The following AGO2 variants were observed in gnomAD, a reference collection of about 807,000 sequenced individuals.
AGO2 encodes protein argonaute-2.
A neutral mutation model predicts 102.3 loss-of-function variants in AGO2; 5 were observed. The observed-to-expected ratio is 0.05, with a 90% CI of 0.03 to 0.10. The LOEUF (loss-of-function observed/expected upper bound fraction) is 0.10. AGO2 is among the 10% of genes least tolerant of loss of function. AGO2 has a pLI of 1.00. For missense variants in AGO2, 541 were observed against 1,183.7 expected (o/e 0.46, Z 7.97); for synonymous variants, 449 against 473.1 (o/e 0.95, Z 0.66).
At chr8:140,634,489 G>A (rs566224713) in intron 1 of AGO2, among the ~76,000 whole-genome samples, 1 of 152,372 alleles carries the variant, frequency 6.6e-6, no homozygotes, top group East Asian at 1.9e-4. Context: ...CGGCCAGGCC[G>A]GCCGAGAGAG....
At chr8:140,630,158 G>A (rs2074324620) in intron 1 of AGO2, among the ~76,000 whole-genome samples, 1 of 152,184 alleles carries the variant, frequency 6.6e-6, no homozygotes, top group South Asian at 2.1e-4. Context: ...GTGCCATCAG[G>A]GGTGAACCAA....
intron 1 of AGO2, among the ~76,000 whole-genome samples, chr8:140,608,242 C>A (rs1016327872): frequency 1.3e-5 from 2 of 152,178 alleles, no homozygotes; most frequent in African/African-American, 4.8e-5. Flanking sequence ...TTTTACGCTG[C>A]CATTCTGCCT....
chr8:140,552,692 GCATGCACTCA>G (rs2073018337), intron 10 of AGO2, among the ~76,000 whole-genome samples: 1 of 150,236 alleles, frequency 6.7e-6, no homozygotes, highest in Admixed American at 6.6e-5. Context: ...ACACACACAC[GCATGCACTCA>G]CATGCACATG....
chr8:140,544,338 G>C, intron 13 of AGO2, 35 bp from the exon 14 acceptor site: 1 of 1,560,074 alleles, frequency 6.4e-7, no homozygotes. Flanking sequence ...GCCACGGTGA[G>C]ACACGCCTGG....
intron 2 of AGO2, among the ~76,000 whole-genome samples, chr8:140,583,706 T>G (rs923283650): frequency 6.6e-6 from 1 of 152,126 alleles, no homozygotes; most frequent in Non-Finnish European, 1.5e-5. Context: ...AAATCCTGTC[T>G]CTACTAAAAA....
chr8:140,549,798 A>G (rs968794642), intron 11 of AGO2, among the ~76,000 whole-genome samples: 8 of 152,192 alleles, frequency 5.3e-5, no homozygotes, highest in Non-Finnish European at 4.4e-5. Context: ...TGACATCATC[A>G]CGAGAGAAAA....
rs966521381 is a variant in AGO2 at position 140,520,993 on chromosome 8, C to G, written c.*11051G>C. 24 of 151,998 alleles carry G rather than the reference C, an allele frequency of 1.6e-4. No individual in the cohort carries two copies. The highest frequency in any genetic ancestry group is 5.6e-4 in the African/African-American group (23 of 41,370). 9.4% of individuals were successfully genotyped at this position (151,998 alleles called of 1,614,324 possible). A position where few individuals can be genotyped will look rare whatever the true frequency, so the allele number is the denominator to read the frequency against. On this transcript the variant is annotated 3_prime_UTR_variant, in exon 19 of 19. Transcript: ENST00000220592. Reference sequence around the variant, plus strand: ...AGAGTAATTTTTAAATTTCTTTCAACAGTCTATTGGGGTCCAAAAAGCATA... The same window carrying G: ...AGAGTAATTTTTAAATTTCTTTCAAGAGTCTATTGGGGTCCAAAAAGCATA...
At chr8:140,624,059 A>G (rs2074246451) in intron 1 of AGO2, among the ~76,000 whole-genome samples, 1 of 152,128 alleles carries the variant, frequency 6.6e-6, no homozygotes, top group African/African-American at 2.4e-5. Context: ...AGGAAGGTGC[A>G]GGGCGAGCGC....
chr8:140,626,004 C>T (rs1563657924), intron 1 of AGO2, among the ~76,000 whole-genome samples: 2 of 152,240 alleles, frequency 1.3e-5, no homozygotes, highest in African/African-American at 4.8e-5. Context: ...CCAAGGTGCG[C>T]CCAGCAAGGC....
intron 1 of AGO2, among the ~76,000 whole-genome samples, chr8:140,620,162 G>A (rs1434146218): frequency 6.6e-6 from 1 of 152,216 alleles, no homozygotes; most frequent in Non-Finnish European, 1.5e-5. Context: ...GGGGCCTTCA[G>A]GCAACAGCAC....
intron 2 of AGO2, among the ~76,000 whole-genome samples, chr8:140,584,152 AAC>A: frequency 6.6e-6 from 1 of 151,884 alleles, no homozygotes; most frequent in Non-Finnish European, 1.5e-5. Flanking sequence ...AAAAAAAAAA[AAC>A]AAAACAGGCA....
chr8:140,572,094 A>G (rs1210311418), intron 3 of AGO2: 2 of 152,126 alleles, frequency 1.3e-5, no homozygotes, highest in Non-Finnish European at 2.9e-5. Flanking sequence ...CACCCGTATC[A>G]CTCTGCAGCA....
intron 13 of AGO2, among the ~76,000 whole-genome samples, chr8:140,545,992 C>A (rs1333202578): frequency 1.3e-5 from 2 of 152,234 alleles, no homozygotes; most frequent in African/African-American, 4.8e-5. Context: ...TGTGCACCTG[C>A]CGCCTGTACG....
At chr8:140,598,396 T>C (rs2073880550) in intron 1 of AGO2, among the ~76,000 whole-genome samples, 1 of 152,244 alleles carries the variant, frequency 6.6e-6, no homozygotes, top group African/African-American at 2.4e-5. Context: ...CAGAGAGAGT[T>C]TGCATCTCTC....
chr8:140,618,322 G>GAAA (rs1190190120), intron 1 of AGO2, among the ~76,000 whole-genome samples: 1 of 131,388 alleles, frequency 7.6e-6, no homozygotes. Context: ...TCCGTCTCAG[G>GAAA]AAAAAAAAAA....
intron 1 of AGO2, among the ~76,000 whole-genome samples, chr8:140,606,107 T>A (rs1012390651): frequency 3.3e-5 from 5 of 152,208 alleles, no homozygotes; most frequent in Non-Finnish European, 7.3e-5. Context: ...AGGTCTACTA[T>A]AAGTAAGGTA....
At chr8:140,562,893 G>A (rs941874987) in intron 3 of AGO2, among the ~76,000 whole-genome samples, 8 of 152,138 alleles carry the variant, frequency 5.3e-5, no homozygotes, top group Non-Finnish European at 8.8e-5. Flanking sequence ...CACAGTGGTC[G>A]AAAACGTATC....
intron 16 of AGO2, among the ~76,000 whole-genome samples, chr8:140,537,970 C>T (rs1252877662): frequency 1.3e-5 from 2 of 152,188 alleles, no homozygotes; most frequent in African/African-American, 4.8e-5. Context: ...AGGCGCCCGC[C>T]ACCACGCCTG....
chr8:140,598,978 A>G (rs1346982920), intron 1 of AGO2, among the ~76,000 whole-genome samples: 3 of 152,060 alleles, frequency 2.0e-5, no homozygotes, highest in African/African-American at 7.2e-5. Flanking sequence ...CTCCAAACCC[A>G]GCTCTCCCTC....
Sources: gnomAD v4.1 joint callset for allele counts (sites outside exome capture counted in the v4.1 genomes callset) on GRCh38, gnomAD v4.1.1 for gene constraint, MANE v1.5 for transcripts, NCBI Gene and HGNC (gene_info 2026-07-23, HGNC 2026-07-21) for gene names.